The following SNAP47 variants were observed in gnomAD, a reference collection of about 807,000 sequenced individuals.
SNAP47 encodes synaptosome associated protein 47, also known as synaptosomal-associated protein 47.
SNAP47 carries 20 observed loss-of-function variants against 31.4 expected under a neutral mutation model. The observed-to-expected ratio is 0.64, with a 90% CI of 0.45 to 0.93. The LOEUF (loss-of-function observed/expected upper bound fraction) is 0.93. Ranked by LOEUF, SNAP47 falls within the 40% of genes least tolerant of loss-of-function variation. The pLI, the probability that SNAP47 is intolerant of heterozygous loss-of-function variation, is 0.00. For missense variants in SNAP47, 492 were observed against 528.5 expected (o/e 0.93, Z 0.68); for synonymous variants, 194 against 213.4 (o/e 0.91, Z 0.79).
chr1:227,773,351 A>G (rs536801838), intron 4 of SNAP47, among the ~76,000 whole-genome samples: 35 of 152,332 alleles, frequency 2.3e-4, no homozygotes, highest in African/African-American at 8.2e-4. Flanking sequence ...AAGAAAAATT[A>G]TTCTGGCACG....
At chr1:227,734,018 T>G, upstream of SNAP47, 3 of 1,613,244 alleles carry the variant, frequency 1.9e-6, no homozygotes, top group Non-Finnish European at 2.5e-6. Flanking sequence ...GAAAACGTCC[T>G]CCACCGGAAA....
At chr1:227,760,972 A>G (rs1392016959) in intron 3 of SNAP47, among the ~76,000 whole-genome samples, 1 of 152,246 alleles carries the variant, frequency 6.6e-6, no homozygotes, top group African/African-American at 2.4e-5. Context: ...ATGTCATAAA[A>G]GACTCCATTT....
chr1:227,753,000 G>A (rs1662473976), intron 2 of SNAP47, among the ~76,000 whole-genome samples: 1 of 152,168 alleles, frequency 6.6e-6, no homozygotes, highest in Non-Finnish European at 1.5e-5. Flanking sequence ...GTTGGTTGGT[G>A]TATTTTCTTT....
intron 1 of SNAP47, among the ~76,000 whole-genome samples, chr1:227,742,959 G>A (rs1305908071): frequency 1.3e-5 from 2 of 152,222 alleles, no homozygotes; most frequent in East Asian, 1.9e-4. Context: ...GCCGACCCTC[G>A]CCATGGCCCT....
At chr1:227,728,867 A>G (rs2102848947) in intron 1 of SNAP47, 1 of 152,398 alleles carries the variant, frequency 6.6e-6, no homozygotes, top group South Asian at 2.1e-4. Flanking sequence ...CGCGGAGCCG[A>G]AGGCCTCCGA....
chr1:227,728,198 C>A (rs1022911851), upstream of SNAP47, among the ~76,000 whole-genome samples: 3 of 152,332 alleles, frequency 2.0e-5, no homozygotes, highest in South Asian at 2.1e-4. Flanking sequence ...CACCTCCGGG[C>A]TAGGAGGTTT....
chr1:227,776,654 TG>T (rs1196921438), intron 4 of SNAP47: 1 of 985,358 alleles, frequency 1.0e-6, no homozygotes, highest in Non-Finnish European at 1.2e-6. Flanking sequence ...CACGATGCCA[TG>T]TAATTACTTC....
At chr1:227,752,405 C>T (rs539366884) in intron 2 of SNAP47, among the ~76,000 whole-genome samples, 13 of 152,184 alleles carry the variant, frequency 8.5e-5, no homozygotes, top group East Asian at 3.9e-4. Context: ...ACTCTCTCCC[C>T]GCTTCCCCAC....
chr1:227,779,136 C>T (rs779660889), intron 4 of SNAP47, among the ~76,000 whole-genome samples: 11 of 152,170 alleles, frequency 7.2e-5, no homozygotes, highest in Non-Finnish European at 1.3e-4. Context: ...ACAGCTTGTT[C>T]GCATTTGTGA....
At chr1:227,756,360 G>T (rs1325595295) in intron 2 of SNAP47, among the ~76,000 whole-genome samples, 1 of 152,210 alleles carries the variant, frequency 6.6e-6, no homozygotes, top group Non-Finnish European at 1.5e-5. Flanking sequence ...AGGACCTTCA[G>T]TCCCCTTTCA....
At chr1:227,743,339 A>G (rs1291508535) in intron 1 of SNAP47, among the ~76,000 whole-genome samples, 1 of 152,178 alleles carries the variant, frequency 6.6e-6, no homozygotes, top group Admixed American at 6.5e-5. Context: ...CTTCCTGGGC[A>G]GGGAGAGTGC....
At chr1:227,768,987 A>G (rs574486350) in intron 4 of SNAP47, among the ~76,000 whole-genome samples, 1 of 152,380 alleles carries the variant, frequency 6.6e-6, no homozygotes, top group South Asian at 2.1e-4. Context: ...GTTAATTGCA[A>G]TGGTGGCCAT....
chr1:227,729,631 G>A (rs977630777), intron 1 of SNAP47, among the ~76,000 whole-genome samples: 6 of 152,256 alleles, frequency 3.9e-5, no homozygotes, highest in South Asian at 4.1e-4. Flanking sequence ...GTCAGCAGGC[G>A]GAAAGGCACA....
At chr1:227,734,452 A>G (rs1175754073), upstream of SNAP47, 5 of 506,564 alleles carry the variant, frequency 9.9e-6, no homozygotes, top group East Asian at 1.6e-4. Context: ...AAAAAAAGGA[A>G]AAAAAACCAT....
At chr1:227,771,321 G>C (rs946901479) in intron 4 of SNAP47, among the ~76,000 whole-genome samples, 3 of 152,184 alleles carry the variant, frequency 2.0e-5, no homozygotes, top group Non-Finnish European at 2.9e-5. Flanking sequence ...TTGGGGATCT[G>C]TGCCTTTACT....
At chr1:227,775,734 T>C in intron 4 of SNAP47, 1 of 1,295,672 alleles carries the variant, frequency 7.7e-7, no homozygotes, top group African/African-American at 1.5e-5. Context: ...TTTTTGCCTT[T>C]ATAAACAAAA....
intron 4 of SNAP47, among the ~76,000 whole-genome samples, chr1:227,768,959 A>C (rs957071297): frequency 2.0e-5 from 3 of 152,226 alleles, no homozygotes; most frequent in Non-Finnish European, 2.9e-5. Context: ...TTAAGATGAA[A>C]AAATAGGAAT....
At chr1:227,758,826 A>T (rs1453599499) in intron 2 of SNAP47, among the ~76,000 whole-genome samples, 169 bp from the exon 3 acceptor site, 1 of 152,110 alleles carries the variant, frequency 6.6e-6, no homozygotes, top group Admixed American at 6.5e-5. Flanking sequence ...CTCTTCTCAC[A>T]CTGGAGATAA....
intron 2 of SNAP47, among the ~76,000 whole-genome samples, chr1:227,749,570 G>A (rs1386714272): frequency 3.9e-5 from 6 of 152,170 alleles, no homozygotes; most frequent in Admixed American, 2.0e-4. Flanking sequence ...TCAGCATGCC[G>A]CTGCTGGCAT....
Sources: allele counts gnomAD v4.1 joint callset (sites outside exome capture counted in the v4.1 genomes callset), GRCh38; gene constraint gnomAD v4.1.1; transcripts MANE v1.5; gene names NCBI Gene and HGNC (gene_info 2026-07-23, HGNC 2026-07-21).